ERN1: variants seen among roughly 807,000 people sequenced by gnomAD.
ERN1 encodes the protein serine/threonine-protein kinase/endoribonuclease IRE1.
A neutral mutation model predicts 113.1 loss-of-function variants in ERN1; 39 were observed. The observed-to-expected ratio is 0.34, with a 90% confidence interval of 0.27 to 0.45. The LOEUF is 0.45. ERN1 is among the 20% of genes least tolerant of loss of function. ERN1 has a pLI of 1.00. For synonymous variants in ERN1, 507 were observed against 515.9 expected (o/e 0.98, Z 0.23); for missense variants, 976 against 1,274.8 (o/e 0.77, Z 3.57).
intron 1 of ERN1, among the ~76,000 whole-genome samples, chr17:64,100,199 G>A (rs562069125): frequency 5.9e-5 from 9 of 152,272 alleles, no homozygotes; most frequent in Non-Finnish European, 1.0e-4. Context: ...CAAGGCCACT[G>A]GGAGTTCATG....
At chr17:64,059,848 ATTTTT>A (rs57472561) in intron 11 of ERN1, among the ~76,000 whole-genome samples, 435 of 114,556 alleles carry the variant, frequency 3.8e-3, no homozygotes, top group East Asian at 0.018. Context: ...TTCTTCAACA[ATTTTT>A]TTTTTTTTTT....
Position 64,055,756 on chromosome 17 carries a change from T to C in ERN1, c.1591A>G (p.Arg531Gly). ...GAGCAGAGCGAGTGGTTGGAGGCCC[T>C]GGGGGACGTGCTGGGGCTGCTGGTG... ...SGTSSPSTSP[R>G]ASNHSLCSGS... The change falls in exon 13 of 22, where the codon AGG (arginine) becomes GGG (glycine). Residue 531 changes from arginine (R) to glycine (G), a missense_variant. Coordinates refer to ENST00000433197, the MANE Select transcript of ERN1 (RefSeq NM_001433.5). The C allele has an allele frequency of 6.2e-7, 1 of 1,610,588 alleles. No individual in the cohort carries two copies. The highest frequency in any genetic ancestry group is 1.1e-5 in the South Asian group (1 of 90,422).
intron 2 of ERN1, among the ~76,000 whole-genome samples, chr17:64,090,892 G>A (rs548004606): frequency 4.6e-5 from 7 of 152,262 alleles, no homozygotes; most frequent in East Asian, 3.9e-4. Flanking sequence ...GTTTTAAACC[G>A]TCTATGTTTA....
At chr17:64,091,600 G>A (rs547077634) in intron 2 of ERN1, among the ~76,000 whole-genome samples, 3 of 152,308 alleles carry the variant, frequency 2.0e-5, no homozygotes, top group Non-Finnish European at 2.9e-5. Flanking sequence ...AGAAGCCAGG[G>A]AGGTAAATGG....
At chr17:64,070,973 A>C (rs1403951397) in intron 6 of ERN1, among the ~76,000 whole-genome samples, 1 of 152,250 alleles carries the variant, frequency 6.6e-6, no homozygotes, top group Non-Finnish European at 1.5e-5. Flanking sequence ...GCAGCTGAGC[A>C]AAACAAAGTC....
chr17:64,098,500 G>T (rs1317339948), intron 1 of ERN1: 1 of 664,740 alleles, frequency 1.5e-6, no homozygotes, highest in Admixed American at 1.8e-5. Flanking sequence ...AATAATCCAT[G>T]GGCAACCTCC....
At chr17:64,092,796 A>T (rs1187098471) in intron 2 of ERN1, among the ~76,000 whole-genome samples, 1 of 152,224 alleles carries the variant, frequency 6.6e-6, no homozygotes, top group Non-Finnish European at 1.5e-5. Flanking sequence ...TACTAAAGAA[A>T]GTCCTCTCAA....
intron 17 of ERN1, among the ~76,000 whole-genome samples, chr17:64,051,486 G>A (rs1012756262): frequency 2.0e-5 from 3 of 152,160 alleles, no homozygotes; most frequent in Admixed American, 6.5e-5. Flanking sequence ...AAAAACATTC[G>A]TGCCAAAAAC....
In ERN1 at chr17:64,057,372, T is replaced by C. The variant is rs1287155140; in HGVS notation, c.1398+430A>G. On this transcript the variant is annotated intron_variant, in intron 12 of 21. Transcript: ENST00000433197. ...ACACTGACTTTTTTTTTCTTTTTTT[T>C]TGAGATGGAGTCTTGCTCTGTCGCC... 4.4e-5 allele frequency among the ~76,000 whole-genome samples: 6 copies of C among 135,348 alleles called. No homozygotes were observed. In the East Asian group the frequency reaches 1.3e-3, roughly 30 times the overall value. 88.8% of individuals were successfully genotyped at this position (135,348 alleles called of 152,430 possible).
chr17:64,116,587 C>T (rs1914808545), intron 1 of ERN1, among the ~76,000 whole-genome samples: 2 of 151,672 alleles, frequency 1.3e-5, no homozygotes, highest in South Asian at 2.1e-4. Context: ...TTCAATTTAT[C>T]GGGAGATGTT....
intron 2 of ERN1, chr17:64,097,890 G>A (rs895938738): frequency 1.4e-5 from 7 of 504,640 alleles, no homozygotes; most frequent in Non-Finnish European, 3.5e-6. Flanking sequence ...CTAAACAGAA[G>A]CAAAAAAGAA....
intron 1 of ERN1, among the ~76,000 whole-genome samples, chr17:64,124,142 A>G (rs912152388): frequency 6.6e-6 from 1 of 152,220 alleles, no homozygotes; most frequent in African/African-American, 2.4e-5. Context: ...CCTCCTTCCT[A>G]CATTGCAGGT....
chr17:64,096,245 C>T (rs1056146936), intron 2 of ERN1, among the ~76,000 whole-genome samples: 2 of 152,222 alleles, frequency 1.3e-5, no homozygotes, highest in Non-Finnish European at 2.9e-5. Context: ...GCATTACTGC[C>T]TAAGCTCCAC....
chr17:64,073,712 C>T (rs1187254308), intron 5 of ERN1, among the ~76,000 whole-genome samples: 2 of 152,130 alleles, frequency 1.3e-5, no homozygotes, highest in East Asian at 1.9e-4. Context: ...AGGATGGTCT[C>T]GATCTCCTGA....
chr17:64,128,170 T>C (rs1403403713), intron 1 of ERN1, among the ~76,000 whole-genome samples: 1 of 148,866 alleles, frequency 6.7e-6, no homozygotes, highest in African/African-American at 2.5e-5. Context: ...AATTTTTTTT[T>C]TTTTTTTTTT....
At chr17:64,125,550 G>A (rs1360516191) in intron 1 of ERN1, among the ~76,000 whole-genome samples, 1 of 152,156 alleles carries the variant, frequency 6.6e-6, no homozygotes, top group African/African-American at 2.4e-5. Flanking sequence ...GTGCAGTGGT[G>A]TGATCTCAGC....
intron 17 of ERN1, among the ~76,000 whole-genome samples, chr17:64,051,333 G>A (rs1315512443): frequency 6.6e-6 from 1 of 152,156 alleles, no homozygotes; most frequent in African/African-American, 2.4e-5. Flanking sequence ...ACATTGTGCT[G>A]AAGTATCACC....
Position 64,044,544 on chromosome 17 carries a change from T to G in ERN1, c.2721+316A>C, listed in dbSNP as rs892969243. ...CAGTGGGGTCCCCGCATTTGAGGTA[T>G]GTTTATACATGTTTACACACAGTGG... On this transcript the variant is annotated intron_variant, in intron 21 of 21. Transcript: ENST00000433197. This position sits in a 1 kb window ranked among gnomAD's most constrained non-coding sequence, Gnocchi z 4.1. 7.2e-5 allele frequency among the ~76,000 whole-genome samples: 11 copies of G among 152,140 alleles called. No homozygotes were observed. The highest frequency in any genetic ancestry group is 1.0e-4 in the Non-Finnish European group (7 of 68,020).
At chr17:64,113,645 G>C (rs1208299209) in intron 1 of ERN1, among the ~76,000 whole-genome samples, 1 of 151,144 alleles carries the variant, frequency 6.6e-6, no homozygotes, top group Non-Finnish European at 1.5e-5. Context: ...GAGTAGCTGG[G>C]ATTATAGGCA....
Sources: allele counts gnomAD v4.1 joint callset (sites outside exome capture counted in the v4.1 genomes callset), GRCh38; gene constraint gnomAD v4.1.1; non-coding constraint Gnocchi (gnomAD v3.1); transcripts MANE v1.5; gene names NCBI Gene and HGNC (gene_info 2026-07-23, HGNC 2026-07-21).